RNF13: variants seen among roughly 807,000 people sequenced by gnomAD.
The protein encoded by RNF13 is E3 ubiquitin-protein ligase RNF13.
Under a neutral mutation model 37.7 loss-of-function variants are expected in RNF13, and 19 were observed. That is an observed-to-expected ratio of 0.50 (90% CI 0.35 to 0.74). The LOEUF (loss-of-function observed/expected upper bound fraction) is 0.74, where lower values mean the gene tolerates loss of function less well. Among genes scored for constraint, RNF13 ranks in the 30% least tolerant of loss-of-function variants. The probability of loss-of-function intolerance (pLI) is 0.01; values close to 1 mark genes in which losing one functional copy is unlikely to be tolerated. For synonymous variants in RNF13, 144 were observed against 157.8 expected (o/e 0.91, Z 0.65); for missense variants, 375 against 453.0 (o/e 0.83, Z 1.56).
chr3:149,895,531 A>G lies in RNF13; in HGVS notation c.380A>G (p.Asp127Gly). 3.7e-6 allele frequency: 6 copies of G among 1,608,934 alleles called. No individual in the cohort carries two copies. The highest frequency in any genetic ancestry group is 1.1e-5 in the South Asian group (1 of 90,680). Reference sequence around the variant, plus strand: ...GCCATAGTTCACAATGTTGATTCTGATGACCTCATTAGCATGGGATCCAAC... The same window carrying G: ...GCCATAGTTCACAATGTTGATTCTGGTGACCTCATTAGCATGGGATCCAAC... The part of the protein sequence containing the change: ...KAAIVHNVDS[D>G]DLISMGSNDI... The change falls in exon 5 of 10, where the codon GAT (aspartate) becomes GGT (glycine). Residue 127 changes from aspartate to glycine, a missense_variant. Asp to Gly is a moderately conservative substitution (Grantham distance 94). Coordinates refer to ENST00000392894, the MANE Select transcript of RNF13 (RefSeq NM_183381.3).
intron 3 of RNF13, among the ~76,000 whole-genome samples, chr3:149,853,612 A>G (rs1394356067): frequency 1.3e-5 from 2 of 151,976 alleles, no homozygotes; most frequent in Non-Finnish European, 2.9e-5. Context: ...TATGCTTCAG[A>G]TTATCCCTTC....
chr3:149,860,521 A>G (rs1439656248), intron 3 of RNF13, among the ~76,000 whole-genome samples: 1 of 151,912 alleles, frequency 6.6e-6, no homozygotes, highest in African/African-American at 2.4e-5. Context: ...CACTGGGGAA[A>G]GGGCAGTCTC....
intron 8 of RNF13, among the ~76,000 whole-genome samples, chr3:149,937,018 G>C (rs1034596303): frequency 2.0e-5 from 3 of 152,120 alleles, no homozygotes; most frequent in Admixed American, 1.3e-4. Flanking sequence ...GGGGTTGGTG[G>C]GGAAGGGAAT....
At chr3:149,949,666 A>G (rs965148937) in intron 8 of RNF13, among the ~76,000 whole-genome samples, 3 of 149,314 alleles carry the variant, frequency 2.0e-5, no homozygotes, top group African/African-American at 7.4e-5. Flanking sequence ...CCCATAATGC[A>G]TGTTTTCTTC....
Position 149,829,377 on chromosome 3 carries a change from G to A in RNF13, c.-17+16024G>A, listed in dbSNP as rs530030953. On this transcript the variant is annotated intron_variant, in intron 1 of 9. Transcript: ENST00000392894. ...GGCCTCCCAAAGTGTTGGGATTACA[G>A]GTGTGAGCCACTGCGCCCGGCCAGA... is the stretch of plus-strand genomic sequence containing the variant. Among the ~76,000 whole-genome samples the A allele has an allele frequency of 2.0e-5, 3 of 152,204 alleles. No individual in the cohort carries two copies. In the South Asian group the frequency reaches 6.2e-4, roughly 32 times the overall value.
At chr3:149,928,876 T>C (rs1183928313) in intron 8 of RNF13, among the ~76,000 whole-genome samples, 1 of 152,182 alleles carries the variant, frequency 6.6e-6, no homozygotes, top group African/African-American at 2.4e-5. Context: ...TAATTTTCAG[T>C]CTATAAGTCT....
chr3:149,838,561 C>T (rs1721875661), intron 1 of RNF13, among the ~76,000 whole-genome samples: 1 of 152,240 alleles, frequency 6.6e-6, no homozygotes, highest in African/African-American at 2.4e-5. Context: ...CTTGCATCCT[C>T]TGAAGCCAGG....
intron 4 of RNF13, among the ~76,000 whole-genome samples, chr3:149,874,708 A>G (rs1271298492): frequency 6.6e-6 from 1 of 152,208 alleles, no homozygotes; most frequent in Non-Finnish European, 1.5e-5. Context: ...AAGACAGTTT[A>G]GTCATGCCAT....
Position 149,960,595 on chromosome 3 carries a change from A to AAAAAAT in RNF13, c.782-127_782-122dup, listed in dbSNP as rs890266557. ...TGACAGAGCAAGACTCCATCTCAAA[A>AAAAAAT]AAAAATAAAAATAAAAATAAAAAAT... On this transcript the variant is annotated intron_variant, in intron 9 of 9. Coordinates refer to ENST00000392894, the MANE Select transcript of RNF13 (RefSeq NM_183381.3). 72 of 834,456 alleles carry AAAAAAT rather than the reference A, an allele frequency of 8.6e-5. No individual in the cohort carries two copies. The African/African-American group carries it at 1.2e-3, about 14-fold the overall frequency. 51.7% of individuals were successfully genotyped at this position (834,456 alleles called of 1,614,324 possible).
intron 3 of RNF13, among the ~76,000 whole-genome samples, chr3:149,855,701 A>G (rs947087903): frequency 1.3e-5 from 2 of 152,034 alleles, no homozygotes; most frequent in Non-Finnish European, 2.9e-5. Flanking sequence ...TGATGAAACC[A>G]ATGGGTATGT....
intron 8 of RNF13, among the ~76,000 whole-genome samples, chr3:149,921,527 C>T (rs1718128589): frequency 6.6e-6 from 1 of 152,160 alleles, no homozygotes; most frequent in Non-Finnish European, 1.5e-5. Flanking sequence ...GTTCACCTTC[C>T]ACTTATGAGT....
At position 149,947,436 on chromosome 3, in the gene RNF13, G is replaced by T. The variant is rs539972737; in HGVS notation, c.701-12620G>T. 2.0e-5 allele frequency among the ~76,000 whole-genome samples: 3 copies of T among 149,490 alleles called. No homozygotes were observed. In the South Asian group the frequency reaches 6.3e-4, roughly 31 times the overall value. The stretch of plus-strand genomic sequence containing the variant: ...TTTTTTTTTTTAAAGGCGGAGTTTC[G>T]CTCTTTTGCCCAAGCTTGAGCGAAG... On this transcript the variant is annotated intron_variant, in intron 8 of 9. Coordinates refer to ENST00000392894, the MANE Select transcript of RNF13 (RefSeq NM_183381.3).
intron 1 of RNF13, among the ~76,000 whole-genome samples, chr3:149,822,329 A>G (rs918685049): frequency 6.6e-6 from 1 of 152,104 alleles, no homozygotes; most frequent in Admixed American, 6.5e-5. Flanking sequence ...TTTTCGGTGT[A>G]CAAGTCTCTC....
Position 149,863,967 on chromosome 3 carries a change from T to A in RNF13, c.196-8062T>A, listed in dbSNP as rs189885556. 1.8e-3 allele frequency among the ~76,000 whole-genome samples: 267 copies of A among 148,282 alleles called. 3 individuals are homozygous for A. Among genetic ancestry groups the A allele is most frequent in the Admixed American group, 0.016 (244 of 14,802 alleles). On this transcript the variant is annotated intron_variant, in intron 3 of 9. Transcript: ENST00000392894. ...TTAGAATTCTTGTTTTTAGAGAAAT[T>A]ATTTTGTTGCATGTAGCTGGAATGG...
chr3:149,853,142 G>T (rs1723268718), intron 3 of RNF13, among the ~76,000 whole-genome samples: 1 of 151,876 alleles, frequency 6.6e-6, no homozygotes, highest in Non-Finnish European at 1.5e-5. Flanking sequence ...GGATATTTAG[G>T]TTGTCTAGTT....
At chr3:149,909,830 TC>T (rs571694846) in intron 6 of RNF13, among the ~76,000 whole-genome samples, 39 of 152,218 alleles carry the variant, frequency 2.6e-4, no homozygotes, top group Non-Finnish European at 5.0e-4. Flanking sequence ...TTTAGCTTGC[TC>T]CTTCTCACCT....
chr3:149,892,024 A>G (rs1286253238), intron 4 of RNF13, among the ~76,000 whole-genome samples: 1 of 152,110 alleles, frequency 6.6e-6, no homozygotes, highest in African/African-American at 2.4e-5. Flanking sequence ...ATTTAATTTC[A>G]TTTCTTTATT....
intron 8 of RNF13, among the ~76,000 whole-genome samples, chr3:149,940,076 CT>C (rs756020850): frequency 4.0e-5 from 6 of 151,846 alleles, no homozygotes; most frequent in Admixed American, 6.6e-5. Flanking sequence ...TTTGTTGCCC[CT>C]GTTTCTGTTT....
chr3:149,852,372 A>C, intron 2 of RNF13, 144 bp from the exon 3 acceptor site: 1 of 420,944 alleles, frequency 2.4e-6, no homozygotes, highest in Non-Finnish European at 4.3e-6. Context: ...GTGGATGTAC[A>C]TTTACAAATT....
Sources: gnomAD v4.1 joint callset for allele counts (sites outside exome capture counted in the v4.1 genomes callset) on GRCh38, gnomAD v4.1.1 for gene constraint, MANE v1.5 for transcripts, NCBI Gene and HGNC (gene_info 2026-07-23, HGNC 2026-07-21) for gene names.